Variants in UBXN7 observed in about 807,000 individuals in gnomAD.
UBXN7 encodes the protein UBX domain protein 7.
In UBXN7, 9 loss-of-function variants were observed where a neutral mutation model predicts 58.0. That is an observed-to-expected ratio of 0.16 (90% CI 0.09 to 0.27). The LOEUF is 0.27. Ranked by LOEUF, UBXN7 falls within the 10% of genes least tolerant of loss-of-function variation. The pLI is 1.00. For missense variants in UBXN7, 328 were observed against 599.6 expected, an observed-to-expected ratio of 0.55 and a Z score of 4.73; for synonymous variants, 208 against 205.0, an observed-to-expected ratio of 1.01 and a Z score of -0.12.
chr3:196,419,367 A>G (rs1730605389), intron 1 of UBXN7, among the ~76,000 whole-genome samples: 2 of 152,362 alleles, frequency 1.3e-5, no homozygotes, highest in Admixed American at 1.3e-4. Flanking sequence ...CTGTCAGGAT[A>G]GTGAACTGCA....
chr3:196,374,996 G>GGA, intron 5 of UBXN7, among the ~76,000 whole-genome samples: 1 of 32,990 alleles, frequency 3.0e-5, no homozygotes, highest in Admixed American at 2.2e-4. Context: ...GGGAGGGAGG[G>GGA]AGGGAGGGAG....
At chr3:196,384,089 T>C (rs1729298399) in intron 5 of UBXN7, among the ~76,000 whole-genome samples, 1 of 152,074 alleles carries the variant, frequency 6.6e-6, no homozygotes, top group Non-Finnish European at 1.5e-5. Context: ...AAGAATCAAA[T>C]AGACGCAATA....
At chr3:196,409,027 G>C (rs954326349) in intron 1 of UBXN7, among the ~76,000 whole-genome samples, 1 of 152,088 alleles carries the variant, frequency 6.6e-6, no homozygotes, top group Non-Finnish European at 1.5e-5. Context: ...ACTCCAATTA[G>C]ATGTATGTTA....
At chr3:196,402,834 A>G (rs1288869712) in intron 3 of UBXN7, 118 bp downstream of exon 3, 6 of 1,154,658 alleles carry the variant, frequency 5.2e-6, no homozygotes, top group Non-Finnish European at 7.4e-6. Flanking sequence ...TATAGAAAAA[A>G]TAAGAAATGA....
At chr3:196,395,675 T>C (rs1279485763) in intron 3 of UBXN7, among the ~76,000 whole-genome samples, 7 of 152,050 alleles carry the variant, frequency 4.6e-5, no homozygotes, top group Admixed American at 3.3e-4. Flanking sequence ...CCAGGCTAGT[T>C]TGGAACTCCT....
intron 5 of UBXN7, among the ~76,000 whole-genome samples, chr3:196,372,992 G>A (rs567482293): frequency 9.9e-5 from 15 of 152,030 alleles, no homozygotes; most frequent in African/African-American, 3.1e-4. Flanking sequence ...CTCAGGTGAC[G>A]CACCCATCTC....
In UBXN7 at chr3:196,424,669, A is replaced by C. The variant is rs1280455195; in HGVS notation, c.73+7658T>G. On this transcript the variant is annotated intron_variant, in intron 1 of 10. Coordinates refer to ENST00000296328, the MANE Select transcript of UBXN7 (RefSeq NM_015562.2). The stretch of plus-strand genomic sequence containing the variant: ...CCAAAGTGCTGGGATTACCGGTGTG[A>C]GCCACTAGGCCTCGCCTCATCCATT... Among the ~76,000 whole-genome samples, 12 of 148,736 alleles carry C rather than the reference A, an allele frequency of 8.1e-5. No homozygotes were observed. In the Admixed American group the frequency reaches 8.1e-4, roughly 10 times the overall value.
intron 3 of UBXN7, among the ~76,000 whole-genome samples, chr3:196,399,650 G>A (rs898969704): frequency 2.1e-4 from 32 of 151,996 alleles, no homozygotes; most frequent in African/African-American, 7.7e-4. Context: ...ATGTTGTCTG[G>A]GCTACTCTCC....
chr3:196,368,607 A>G (rs544161383), intron 7 of UBXN7, among the ~76,000 whole-genome samples: 1 of 152,322 alleles, frequency 6.6e-6, no homozygotes, highest in South Asian at 2.1e-4. Flanking sequence ...AGTCACATCA[A>G]TTATACTCAC....
At chr3:196,428,098 TG>T (rs1477169406) in intron 1 of UBXN7, among the ~76,000 whole-genome samples, 2 of 152,144 alleles carry the variant, frequency 1.3e-5, no homozygotes, top group African/African-American at 4.8e-5. Context: ...CACTCCAGCC[TG>T]GGTGACGGAG....
intron 1 of UBXN7, chr3:196,431,901 A>T (rs2108631258): frequency 2.8e-6 from 1 of 351,824 alleles, no homozygotes; most frequent in Admixed American, 3.7e-5. Flanking sequence ...TGGCCGGGGA[A>T]GAAAGGAAAA....
chr3:196,362,794 T>C, intron 8 of UBXN7, 107 bp from the exon 9 acceptor site: 1 of 1,366,654 alleles, frequency 7.3e-7, no homozygotes, highest in Non-Finnish European at 9.9e-7. Context: ...TATGTTCTGC[T>C]GACTGTATCC....
At chr3:196,390,897 A>G (rs1729562277) in intron 5 of UBXN7, among the ~76,000 whole-genome samples, 1 of 152,180 alleles carries the variant, frequency 6.6e-6, no homozygotes, top group African/African-American at 2.4e-5. Context: ...TTCATTTAAC[A>G]TATGTGTTCC....
intron 5 of UBXN7, among the ~76,000 whole-genome samples, chr3:196,379,422 G>T (rs1186406534): frequency 1.3e-5 from 2 of 152,134 alleles, no homozygotes; most frequent in African/African-American, 4.8e-5. Flanking sequence ...CTAGGTCTCA[G>T]CCTTATTTTA....
chr3:196,430,361 AAATAATAAT>A (rs34017536), intron 1 of UBXN7, among the ~76,000 whole-genome samples: 2 of 150,012 alleles, frequency 1.3e-5, no homozygotes, highest in African/African-American at 4.9e-5. Flanking sequence ...GACTGTCTCA[AAATAATAAT>A]AATAATAATA....
At chr3:196,390,776 C>G (rs1176902305) in intron 5 of UBXN7, among the ~76,000 whole-genome samples, 1 of 151,034 alleles carries the variant, frequency 6.6e-6, no homozygotes, top group Non-Finnish European at 1.5e-5. Flanking sequence ...TGATTTACAT[C>G]TATGGAAATG....
intron 2 of UBXN7, 144 bp downstream of exon 2, chr3:196,407,102 A>T: frequency 8.8e-7 from 1 of 1,130,938 alleles, no homozygotes; most frequent in Non-Finnish European, 1.2e-6. Flanking sequence ...GTATGTAACT[A>T]CAAAAATTTC....
intron 8 of UBXN7, among the ~76,000 whole-genome samples, chr3:196,365,480 A>G (rs984618698): frequency 2.0e-5 from 3 of 152,132 alleles, no homozygotes; most frequent in Non-Finnish European, 2.9e-5. Context: ...AGGTATGATC[A>G]TAGCACACTA....
chr3:196,421,384 A>G (rs1730677958), intron 1 of UBXN7, among the ~76,000 whole-genome samples: 1 of 152,192 alleles, frequency 6.6e-6, no homozygotes, highest in Non-Finnish European at 1.5e-5. Context: ...AAAAATACAA[A>G]TTCCAGTGGA....
Sources: allele counts gnomAD v4.1 joint callset (sites outside exome capture counted in the v4.1 genomes callset), GRCh38; gene constraint gnomAD v4.1.1; transcripts MANE v1.5; gene names NCBI Gene and HGNC (gene_info 2026-07-23, HGNC 2026-07-21).